NALCN: variants seen among roughly 807,000 people sequenced by gnomAD.
The protein encoded by NALCN is sodium leak channel, non-selective, also known as sodium leak channel NALCN.
NALCN carries 111 observed loss-of-function variants against 225.3 expected under a neutral mutation model. The ratio of observed to expected loss-of-function variants is 0.49; its 90% CI spans 0.42 to 0.58. The LOEUF (loss-of-function observed/expected upper bound fraction) is 0.58. NALCN is among the 20% of genes least tolerant of loss of function. The pLI is 0.00. For synonymous variants in NALCN, 764 were observed against 769.0 expected, an observed-to-expected ratio of 0.99 and a Z score of 0.11; for missense variants, 1,378 against 2,202.4, an observed-to-expected ratio of 0.63 and a Z score of 7.49.
chr13:101,140,465 G>A (rs2037019561), intron 17 of NALCN, among the ~76,000 whole-genome samples: 1 of 152,178 alleles, frequency 6.6e-6, no homozygotes, highest in African/African-American at 2.4e-5. Context: ...ATTTTTAAAA[G>A]CATGTCATGG....
chr13:101,347,060 C>T (rs2045761858), intron 6 of NALCN, among the ~76,000 whole-genome samples: 1 of 151,934 alleles, frequency 6.6e-6, no homozygotes, highest in Non-Finnish European at 1.5e-5. Context: ...TTATAATATG[C>T]TTTCTCTAAA....
chr13:101,135,112 G>C (rs938890092), intron 17 of NALCN, among the ~76,000 whole-genome samples: 11 of 152,118 alleles, frequency 7.2e-5, no homozygotes, highest in Non-Finnish European at 1.3e-4. Context: ...GGAGAATGGC[G>C]TGAACCCGGG....
At chr13:101,253,971 T>C (rs1046238508) in intron 11 of NALCN, among the ~76,000 whole-genome samples, 8 of 152,218 alleles carry the variant, frequency 5.3e-5, no homozygotes, top group Admixed American at 3.9e-4. Context: ...CTTTTTCACA[T>C]TCATTTGAAA....
chr13:101,213,117 G>T (rs1331894173), intron 13 of NALCN, among the ~76,000 whole-genome samples: 1 of 152,072 alleles, frequency 6.6e-6, no homozygotes, highest in Non-Finnish European at 1.5e-5. Context: ...CAATGGAATA[G>T]AACAGAGCCC....
At chr13:101,109,358 A>G (rs2035308416) in intron 20 of NALCN, among the ~76,000 whole-genome samples, 1 of 152,182 alleles carries the variant, frequency 6.6e-6, no homozygotes, top group Non-Finnish European at 1.5e-5. Context: ...GGTATTGGTG[A>G]TATCAGGTGT....
intron 17 of NALCN, among the ~76,000 whole-genome samples, chr13:101,133,189 T>C (rs2036599728): frequency 6.6e-6 from 1 of 152,192 alleles, no homozygotes; most frequent in Admixed American, 6.5e-5. Context: ...AACCATAGCT[T>C]GACCCTAGAA....
At chr13:101,136,625 GACAT>G (rs1277740627) in intron 17 of NALCN, among the ~76,000 whole-genome samples, 1 of 152,154 alleles carries the variant, frequency 6.6e-6, no homozygotes, top group Non-Finnish European at 1.5e-5. Flanking sequence ...CCCTACAAAG[GACAT>G]GAACTCATCC....
At position 101,220,242 on chromosome 13, in the gene NALCN, CT is replaced by C. The variant is rs577272517; in HGVS notation, c.1626+9150del. On this transcript the variant is annotated intron_variant, in intron 13 of 43. Transcript: ENST00000251127. ...GCAGAAAATTTGTTCTGGTCATGTC[CT>C]GTGCCTTGGCTAATACTGTAATTAA... is the stretch of plus-strand genomic sequence containing the variant. Among the ~76,000 whole-genome samples, 336 of 152,298 alleles carry C rather than the reference CT, an allele frequency of 2.2e-3. 3 individuals carry two copies. Among genetic ancestry groups the C allele is most frequent in the Middle Eastern group, 6.8e-3 (2 of 292 alleles).
intron 7 of NALCN, among the ~76,000 whole-genome samples, chr13:101,339,503 A>G (rs968442294): frequency 5.9e-5 from 9 of 152,294 alleles, no homozygotes; most frequent in African/African-American, 1.9e-4. Context: ...AGAGACAGAA[A>G]TAACTAGTAT....
At chr13:101,143,858 T>C (rs1566335339) in intron 16 of NALCN, among the ~76,000 whole-genome samples, 1 of 152,214 alleles carries the variant, frequency 6.6e-6, no homozygotes, top group Non-Finnish European at 1.5e-5. Context: ...CCATTTATCA[T>C]AAGAATGACT....
intron 7 of NALCN, among the ~76,000 whole-genome samples, chr13:101,326,902 T>A (rs768088076): frequency 2.0e-4 from 31 of 152,226 alleles, no homozygotes; most frequent in Admixed American, 2.6e-4. Flanking sequence ...TGGCCTCTTC[T>A]CCTTTTCTAG....
chr13:101,307,250 A>C (rs565420210), intron 7 of NALCN, among the ~76,000 whole-genome samples: 91 of 152,232 alleles, frequency 6.0e-4, no homozygotes, highest in African/African-American at 2.1e-3. Context: ...GACAGCTCCA[A>C]CCCATGGAAG....
intron 16 of NALCN, among the ~76,000 whole-genome samples, chr13:101,144,395 G>A (rs1022066056): frequency 1.3e-5 from 2 of 152,204 alleles, no homozygotes; most frequent in African/African-American, 4.8e-5. Flanking sequence ...GGCAATTTTA[G>A]TCTCATACGG....
chr13:101,126,411 T>C (rs2036231270), intron 17 of NALCN, among the ~76,000 whole-genome samples: 1 of 152,188 alleles, frequency 6.6e-6, no homozygotes, highest in Non-Finnish European at 1.5e-5. Context: ...TTCCATTTTC[T>C]TGGTAGCACA....
intron 10 of NALCN, among the ~76,000 whole-genome samples, chr13:101,272,569 T>C (rs887513150): frequency 3.3e-5 from 5 of 152,160 alleles, no homozygotes; most frequent in African/African-American, 9.7e-5. Context: ...AGGGCAGGAA[T>C]ATGAAGATGG....
chr13:101,177,786 A>C (rs1358865001), intron 14 of NALCN, among the ~76,000 whole-genome samples: 1 of 152,146 alleles, frequency 6.6e-6, no homozygotes, highest in Non-Finnish European at 1.5e-5. Context: ...TTAGGTGGTT[A>C]AGCATGAAGG....
chr13:101,133,640 C>T (rs1167806282), intron 17 of NALCN, among the ~76,000 whole-genome samples: 1 of 152,066 alleles, frequency 6.6e-6, no homozygotes, highest in Non-Finnish European at 1.5e-5. Flanking sequence ...TCCCAAAGTG[C>T]ATACGACAGA....
At chr13:101,182,384 A>G (rs1359461377) in intron 14 of NALCN, among the ~76,000 whole-genome samples, 1 of 152,194 alleles carries the variant, frequency 6.6e-6, no homozygotes. Flanking sequence ...GTGACTTCAC[A>G]ACAGGAAGGC....
intron 7 of NALCN, among the ~76,000 whole-genome samples, chr13:101,299,280 C>A (rs937742667): frequency 1.3e-5 from 2 of 152,084 alleles, no homozygotes; most frequent in Non-Finnish European, 2.9e-5. Context: ...TCTCTGCTTG[C>A]GGAATAAGCC....
Sources: allele counts gnomAD v4.1 joint callset (sites outside exome capture counted in the v4.1 genomes callset), GRCh38; gene constraint gnomAD v4.1.1; transcripts MANE v1.5; gene names NCBI Gene and HGNC (gene_info 2026-07-23, HGNC 2026-07-21).